The following VAT1L variants were observed in gnomAD, a reference collection of about 807,000 sequenced individuals.
The protein encoded by VAT1L is putative NADPH-dependent quinone oxidoreductase VAT1L.
In VAT1L, 34 loss-of-function variants were observed where a neutral mutation model predicts 44.1. The ratio of observed to expected loss-of-function variants is 0.77; its 90% CI spans 0.59 to 1.03. The LOEUF (loss-of-function observed/expected upper bound fraction) is 1.03, where lower values mean the gene tolerates loss of function less well. Ranked by LOEUF, VAT1L falls within the 50% of genes least tolerant of loss-of-function variation. The pLI is 0.00. For missense variants in VAT1L, 615 were observed against 538.8 expected (o/e 1.14, Z -1.40); for synonymous variants, 253 against 202.2 (o/e 1.25, Z -2.13).
At chr16:77,809,313 A>G (rs2914446) in intron 1 of VAT1L, among the ~76,000 whole-genome samples, 107,730 of 152,118 alleles carry the variant, frequency 0.71, 39,700 homozygotes, top group Non-Finnish European at 0.8. Context: ...TACAATTGCT[A>G]GCCACAAATC....
intron 7 of VAT1L, among the ~76,000 whole-genome samples, chr16:77,902,678 G>C (rs2017395103): frequency 7.0e-6 from 1 of 143,698 alleles, no homozygotes; most frequent in Admixed American, 7.3e-5. Flanking sequence ...TAAAAAGGCC[G>C]AGCATGGTGG....
At chr16:77,969,464 G>A (rs1378667290) in intron 7 of VAT1L, among the ~76,000 whole-genome samples, 1 of 152,046 alleles carries the variant, frequency 6.6e-6, no homozygotes, top group Admixed American at 6.6e-5. Context: ...TGGACCGAGG[G>A]TATCTGCTCC....
At chr16:77,906,329 C>T (rs1340563043) in intron 7 of VAT1L, among the ~76,000 whole-genome samples, 1 of 152,154 alleles carries the variant, frequency 6.6e-6, no homozygotes, top group Non-Finnish European at 1.5e-5. Context: ...CTGGGGAAAA[C>T]CAGGCAAAGC....
chr16:77,851,414 C>T (rs932585976), intron 3 of VAT1L, among the ~76,000 whole-genome samples: 6 of 152,048 alleles, frequency 3.9e-5, no homozygotes, highest in East Asian at 1.9e-4. Context: ...TTTGGAAAGC[C>T]GAGGTGAAAG....
intron 4 of VAT1L, among the ~76,000 whole-genome samples, chr16:77,871,506 C>G (rs1015229746): frequency 6.6e-6 from 1 of 151,982 alleles, no homozygotes; most frequent in East Asian, 1.9e-4. Flanking sequence ...CAGGGTTGGC[C>G]GCTACTTACC....
At chr16:77,888,444 A>T (rs184201163) in intron 7 of VAT1L, among the ~76,000 whole-genome samples, 2 of 152,254 alleles carry the variant, frequency 1.3e-5, no homozygotes, top group Non-Finnish European at 2.9e-5. Flanking sequence ...GACATTTTCT[A>T]TGTTTAACAA....
In VAT1L at chr16:77,946,132, G is replaced by T. The variant is rs966352613; in HGVS notation, c.1078-25718G>T. Among the ~76,000 whole-genome samples the T allele has an allele frequency of 3.6e-4, 55 of 151,730 alleles. 1 individual carries two copies. Among genetic ancestry groups the T allele is most frequent in the Middle Eastern group, 3.4e-3 (1 of 294 alleles). On this transcript the variant is annotated intron_variant, in intron 7 of 8. Coordinates refer to ENST00000302536, the MANE Select transcript of VAT1L (RefSeq NM_020927.3). ...GCCGTTTTTTAGACATTATCACATT[G>T]TACAAAAAAATTTGTGGACTGCCTT...
intron 2 of VAT1L, among the ~76,000 whole-genome samples, chr16:77,818,355 G>C (rs1357014185): frequency 1.3e-5 from 2 of 152,084 alleles, no homozygotes; most frequent in Admixed American, 1.3e-4. Context: ...TTTCAGATAA[G>C]ACAGCAGATA....
intron 7 of VAT1L, among the ~76,000 whole-genome samples, chr16:77,912,668 A>G (rs1207289025): frequency 1.3e-5 from 2 of 152,180 alleles, no homozygotes; most frequent in African/African-American, 4.8e-5. Flanking sequence ...TATTTCTCCT[A>G]TTGTAAAGTA....
At chr16:77,850,515 C>G (rs1046792184) in intron 3 of VAT1L, among the ~76,000 whole-genome samples, 2 of 152,148 alleles carry the variant, frequency 1.3e-5, no homozygotes, top group African/African-American at 4.8e-5. Context: ...TTGCCTAAGA[C>G]ACAGTTTATG....
chr16:77,953,393 G>A (rs2018065982), intron 7 of VAT1L, among the ~76,000 whole-genome samples: 1 of 152,136 alleles, frequency 6.6e-6, no homozygotes, highest in African/African-American at 2.4e-5. Flanking sequence ...TTTAGCTCAA[G>A]ACTGGGTATG....
intron 3 of VAT1L, among the ~76,000 whole-genome samples, chr16:77,860,500 G>A (rs2016904729): frequency 6.6e-6 from 1 of 152,146 alleles, no homozygotes; most frequent in Admixed American, 6.5e-5. Context: ...AAAAATAGTT[G>A]AATGAATAAA....
intron 4 of VAT1L, among the ~76,000 whole-genome samples, chr16:77,865,640 C>T (rs1015282532): frequency 6.6e-6 from 1 of 152,148 alleles, no homozygotes; most frequent in Non-Finnish European, 1.5e-5. Context: ...AAATCAGAAA[C>T]ACTGTCAATC....
chr16:77,910,505 T>A (rs1382097668), intron 7 of VAT1L, among the ~76,000 whole-genome samples: 2 of 151,838 alleles, frequency 1.3e-5, no homozygotes, highest in Non-Finnish European at 2.9e-5. Flanking sequence ...ACCCCGTCTC[T>A]ACTAAAAATA....
chr16:77,842,072 A>G (rs1425500292), intron 3 of VAT1L, among the ~76,000 whole-genome samples: 1 of 152,088 alleles, frequency 6.6e-6, no homozygotes, highest in Non-Finnish European at 1.5e-5. Flanking sequence ...TGTTTTTAGT[A>G]GAGACGGGGT....
chr16:77,929,005 T>C (rs1277773961), intron 7 of VAT1L, among the ~76,000 whole-genome samples: 1 of 152,094 alleles, frequency 6.6e-6, no homozygotes, highest in African/African-American at 2.4e-5. Flanking sequence ...TTAGTAGAGA[T>C]GGGGTTTCAC....
intron 7 of VAT1L, among the ~76,000 whole-genome samples, chr16:77,928,328 A>G (rs2017691981): frequency 6.6e-6 from 1 of 152,202 alleles, no homozygotes; most frequent in Non-Finnish European, 1.5e-5. Flanking sequence ...CACACTTGTA[A>G]AAACTCAGCT....
chr16:77,977,501 GC>G (rs2018353623), intron 8 of VAT1L, 95 bp from the exon 9 acceptor site: 3 of 1,242,096 alleles, frequency 2.4e-6, no homozygotes, highest in East Asian at 5.0e-5. Context: ...CTAGTTCCTA[GC>G]CCCCAAGAAG....
chr16:77,878,832 T>C (rs947276621), intron 5 of VAT1L, among the ~76,000 whole-genome samples: 3 of 152,224 alleles, frequency 2.0e-5, no homozygotes, highest in African/African-American at 7.2e-5. Context: ...AAGGAGTTCC[T>C]TTCTCAGCCT....
Sources: allele counts gnomAD v4.1 joint callset (sites outside exome capture counted in the v4.1 genomes callset), GRCh38; gene constraint gnomAD v4.1.1; transcripts MANE v1.5; gene names NCBI Gene and HGNC (gene_info 2026-07-23, HGNC 2026-07-21).